The following SH3PXD2A variants were observed in gnomAD, a reference collection of about 807,000 sequenced individuals.
The protein encoded by SH3PXD2A is SH3 and PX domain-containing protein 2A.
SH3PXD2A carries 32 observed loss-of-function variants against 115.2 expected under a neutral mutation model. The observed-to-expected ratio is 0.28, with a 90% CI of 0.21 to 0.37. The LOEUF (loss-of-function observed/expected upper bound fraction) is 0.37. Ranked by LOEUF, SH3PXD2A falls within the 10% of genes least tolerant of loss-of-function variation. The probability of loss-of-function intolerance (pLI) is 1.00; values close to 1 mark genes in which losing one functional copy is unlikely to be tolerated. For synonymous variants in SH3PXD2A, 610 were observed against 629.1 expected, an observed-to-expected ratio of 0.97 and a Z score of 0.45; for missense variants, 1,328 against 1,498.7, an observed-to-expected ratio of 0.89 and a Z score of 1.88.
At chr10:103,725,101 G>A (rs1285892303) in intron 4 of SH3PXD2A, among the ~76,000 whole-genome samples, 2 of 152,220 alleles carry the variant, frequency 1.3e-5, no homozygotes, top group Non-Finnish European at 2.9e-5. Flanking sequence ...GGAAGATGGG[G>A]AGCCAGTGTT....
intron 3 of SH3PXD2A, among the ~76,000 whole-genome samples, chr10:103,753,528 T>C (rs1027969862): frequency 2.7e-5 from 4 of 148,122 alleles, no homozygotes; most frequent in Non-Finnish European, 6.0e-5. Flanking sequence ...AGAATAGTTA[T>C]CAAGAGCTTG....
chr10:103,668,656 C>G lies in SH3PXD2A; in HGVS notation c.428-4G>C. ...TCAGCCCAGCTGGACAGCCACACTTCCGAGTCCCCGAGAGCAAGCGGCAGC... is the reference window on the plus strand; with the variant it reads ...TCAGCCCAGCTGGACAGCCACACTTGCGAGTCCCCGAGAGCAAGCGGCAGC... On this transcript the variant is annotated splice_region_variant and splice_polypyrimidine_tract_variant and intron_variant, in intron 6 of 14. Coordinates refer to ENST00000369774, the MANE Select transcript of SH3PXD2A (RefSeq NM_001394015.1). 1.3e-6 allele frequency: 2 copies of G among 1,559,586 alleles called. No individual in the cohort carries two copies. Among genetic ancestry groups the G allele is most frequent in the Non-Finnish European group, 1.7e-6 (2 of 1,151,692 alleles).
chr10:103,682,370 C>T (rs1564862607), intron 6 of SH3PXD2A, among the ~76,000 whole-genome samples: 1 of 152,250 alleles, frequency 6.6e-6, no homozygotes, highest in Non-Finnish European at 1.5e-5. Flanking sequence ...CCAAATCAAT[C>T]AGGCTCCTTT....
intron 5 of SH3PXD2A, among the ~76,000 whole-genome samples, chr10:103,702,056 ACCATCATCCATCCATCTAT>A (rs1452186477): frequency 3.5e-5 from 5 of 141,880 alleles, no homozygotes; most frequent in African/African-American, 1.4e-4. Flanking sequence ...CTATCCATCC[ACCATCATCCATCCATCTAT>A]CCATCATCCA....
chr10:103,605,926 A>G lies in SH3PXD2A; in HGVS notation c.1309-9T>C, dbSNP rs1159066773. 1.2e-6 allele frequency: 2 copies of G among 1,613,904 alleles called. No homozygotes were observed. Among genetic ancestry groups the G allele is most frequent in the Non-Finnish European group, 1.7e-6 (2 of 1,179,876 alleles). On this transcript the variant is annotated splice_polypyrimidine_tract_variant and intron_variant, in intron 13 of 14. Transcript: ENST00000369774. ...TTTGGCAGTTGGAACCCCTAAGGTT[A>G]AGGAACACACAGTGGGCAAAACCCG...
intron 1 of SH3PXD2A, among the ~76,000 whole-genome samples, chr10:103,826,476 G>T (rs146925972): frequency 1.2e-3 from 180 of 152,268 alleles, no homozygotes; most frequent in African/African-American, 4.2e-3. Flanking sequence ...TCCAGACTAA[G>T]CCCAGAACTC....
chr10:103,690,133 C>T (rs2037728929), intron 6 of SH3PXD2A, among the ~76,000 whole-genome samples: 1 of 152,132 alleles, frequency 6.6e-6, no homozygotes, highest in South Asian at 2.1e-4. Flanking sequence ...AAATGGGAAT[C>T]CCACCACCCA....
chr10:103,765,031 T>C (rs2038739374), intron 3 of SH3PXD2A, among the ~76,000 whole-genome samples: 1 of 152,216 alleles, frequency 6.6e-6, no homozygotes. Flanking sequence ...TGTAAGCACC[T>C]GAGATACACT....
In SH3PXD2A at chr10:103,603,343, G is replaced by A; in HGVS notation, c.1875C>T (p.Phe625=). ...ACAGGGTGTCCTCTGCATATGGCCG[G>A]AAGCCCTCATTCTCATAGATGGTCT... is the stretch of plus-strand genomic sequence containing the variant. ...EEETIYENEG[F]RPYAEDTLSA... is the part of the protein sequence containing the mutation. Residue 625 remains phenylalanine, a synonymous_variant, in exon 15 of 15, where the codon TTC becomes TTT. Coordinates refer to ENST00000369774, the MANE Select transcript of SH3PXD2A (RefSeq NM_001394015.1). The A allele has an allele frequency of 1.2e-6, 2 of 1,614,158 alleles. No homozygotes were observed. The highest frequency in any genetic ancestry group is 8.5e-7 in the Non-Finnish European group (1 of 1,180,024).
At chr10:103,808,711 C>T (rs979545356) in intron 1 of SH3PXD2A, among the ~76,000 whole-genome samples, 1 of 152,186 alleles carries the variant, frequency 6.6e-6, no homozygotes, top group African/African-American at 2.4e-5. Flanking sequence ...CCTTCGTTTG[C>T]TAATTGTTGG....
chr10:103,745,573 T>A (rs2038492463), intron 3 of SH3PXD2A, among the ~76,000 whole-genome samples: 1 of 151,886 alleles, frequency 6.6e-6, no homozygotes, highest in South Asian at 2.1e-4. Context: ...GGTGAACAAA[T>A]GGGATCTCTT....
chr10:103,745,955 C>A (rs981866147), intron 3 of SH3PXD2A: 1 of 152,368 alleles, frequency 6.6e-6, no homozygotes, highest in East Asian at 1.9e-4. Flanking sequence ...CTCTCCCACA[C>A]GCCCAGGGAA....
intron 4 of SH3PXD2A, among the ~76,000 whole-genome samples, chr10:103,732,625 T>A (rs1174020022): frequency 6.6e-6 from 1 of 152,194 alleles, no homozygotes. Context: ...CATGTCTGAG[T>A]CCTTGCAGGG....
In SH3PXD2A at chr10:103,620,103, C is replaced by G. The variant is rs889581885; in HGVS notation, c.802+2367G>C. Among the ~76,000 whole-genome samples, 2 of 152,244 alleles carry G rather than the reference C, an allele frequency of 1.3e-5. No individual in the cohort carries two copies. Among genetic ancestry groups the G allele is most frequent in the African/African-American group, 4.8e-5 (2 of 41,470 alleles). On this transcript the variant is annotated intron_variant, in intron 10 of 14. Transcript: ENST00000369774. This position sits in a 1 kb window ranked among gnomAD's most constrained non-coding sequence, Gnocchi z 5.3. ...GGCGCCAGACAAGAGGAGGCCCAGA[C>G]AGACGGACATGGCCTCAGCGGGCAG...
At chr10:103,732,463 A>C (rs543384658) in intron 4 of SH3PXD2A, among the ~76,000 whole-genome samples, 1 of 152,296 alleles carries the variant, frequency 6.6e-6, no homozygotes, top group South Asian at 2.1e-4. Flanking sequence ...CATGTGGTAA[A>C]TTTTCCGTGA....
intron 3 of SH3PXD2A, among the ~76,000 whole-genome samples, chr10:103,741,214 G>T (rs542484645): frequency 6.7e-4 from 102 of 152,190 alleles, no homozygotes; most frequent in Non-Finnish European, 1.1e-3. Flanking sequence ...AACAGCCAAG[G>T]CCCTGGGGCA....
rs1218652062 is a variant in SH3PXD2A, at chr10:103,784,074, C to A, written c.154-16905G>T. Among the ~76,000 whole-genome samples the A allele has an allele frequency of 2.0e-5, 3 of 152,272 alleles. No homozygotes were observed. The highest frequency in any genetic ancestry group is 4.4e-5 in the Non-Finnish European group (3 of 68,050). On this transcript the variant is annotated intron_variant, in intron 2 of 14. Transcript: ENST00000369774. This position sits in a 1 kb window ranked among gnomAD's most constrained non-coding sequence, Gnocchi z 4.4. ...GCTACTTCTCCAGGTGGCAGCCCAG[C>A]TGCTGACCCAGGTGATGGGCTCCTT...
chr10:103,847,576 T>C (rs528911231), intron 1 of SH3PXD2A, among the ~76,000 whole-genome samples: 1 of 152,296 alleles, frequency 6.6e-6, no homozygotes, highest in African/African-American at 2.4e-5. Flanking sequence ...CTCCCCACTT[T>C]GGCCTTTTGA....
intron 3 of SH3PXD2A, among the ~76,000 whole-genome samples, chr10:103,737,968 C>T (rs888522344): frequency 6.6e-6 from 1 of 152,244 alleles, no homozygotes; most frequent in Non-Finnish European, 1.5e-5. Flanking sequence ...GATGGCTCTG[C>T]AGCTCACCCC....
Sources: allele counts gnomAD v4.1 joint callset (sites outside exome capture counted in the v4.1 genomes callset), GRCh38; gene constraint gnomAD v4.1.1; non-coding constraint Gnocchi (gnomAD v3.1); transcripts MANE v1.5; gene names NCBI Gene and HGNC (gene_info 2026-07-23, HGNC 2026-07-21).